Variants in ARFGEF1 observed in about 807,000 individuals in gnomAD.
ARFGEF1 encodes ARF guanine nucleotide exchange factor 1, also known as brefeldin A-inhibited guanine nucleotide-exchange protein 1.
A neutral mutation model predicts 231.0 loss-of-function variants in ARFGEF1; 42 were observed. That is an observed-to-expected ratio of 0.18 (90% confidence interval 0.14 to 0.24). ARFGEF1 has a LOEUF of 0.24. Ranked by LOEUF, ARFGEF1 falls within the 10% of genes least tolerant of loss-of-function variation. The pLI is 1.00. For synonymous variants in ARFGEF1, 710 were observed against 732.3 expected (o/e 0.97, Z 0.49); for missense variants, 1,345 against 2,192.0 (o/e 0.61, Z 7.72).
At chr8:67,224,112 T>C (rs1445945418) in intron 29 of ARFGEF1, among the ~76,000 whole-genome samples, 1 of 152,212 alleles carries the variant, frequency 6.6e-6, no homozygotes, top group Admixed American at 6.5e-5. Flanking sequence ...CATTCTGTGC[T>C]ACCTTTAGAA....
At chr8:67,311,400 C>T (rs1475168058) in intron 1 of ARFGEF1, among the ~76,000 whole-genome samples, 7 of 134,484 alleles carry the variant, frequency 5.2e-5, no homozygotes, top group Admixed American at 7.1e-5. Context: ...CCAGCCGCCC[C>T]GTCCGGGAGG....
intron 19 of ARFGEF1, among the ~76,000 whole-genome samples, chr8:67,244,983 A>G (rs984802902): frequency 6.6e-6 from 1 of 150,714 alleles, no homozygotes; most frequent in Non-Finnish European, 1.5e-5. Flanking sequence ...ACAAGAGAAA[A>G]GAAACAAATA....
intron 1 of ARFGEF1, among the ~76,000 whole-genome samples, chr8:67,311,436 G>A (rs1305884300): frequency 2.3e-5 from 3 of 130,648 alleles, no homozygotes; most frequent in South Asian, 5.0e-4. Flanking sequence ...CCCCCCGCCC[G>A]GCCAGCCGCC....
chr8:67,314,488 T>C (rs1328495895), intron 1 of ARFGEF1, among the ~76,000 whole-genome samples: 1 of 152,140 alleles, frequency 6.6e-6, no homozygotes, highest in Non-Finnish European at 1.5e-5. Flanking sequence ...CTCAACTAAC[T>C]TGACTCAGCT....
At chr8:67,314,435 C>T (rs1210311302) in intron 1 of ARFGEF1, among the ~76,000 whole-genome samples, 2 of 152,184 alleles carry the variant, frequency 1.3e-5, no homozygotes, top group African/African-American at 4.8e-5. Context: ...AGCAAGCTCC[C>T]AGGGCCTTTC....
intron 1 of ARFGEF1, among the ~76,000 whole-genome samples, chr8:67,325,302 T>C (rs1483156676): frequency 1.3e-5 from 2 of 151,928 alleles, no homozygotes; most frequent in Non-Finnish European, 2.9e-5. Flanking sequence ...TTATAATGAG[T>C]GCTTACACCT....
chr8:67,280,983 C>A (rs755386570), intron 7 of ARFGEF1, among the ~76,000 whole-genome samples: 1 of 149,412 alleles, frequency 6.7e-6, no homozygotes. Context: ...CAGTGATAAG[C>A]GAAGGAATGT....
At chr8:67,184,475 C>T (rs868635964) in intron 5 of ARFGEF1, among the ~76,000 whole-genome samples, 1 of 151,968 alleles carries the variant, frequency 6.6e-6, no homozygotes, top group South Asian at 2.1e-4. Flanking sequence ...TGGTGGCTCA[C>T]ACCTGTAATC....
chr8:67,204,089 C>T (rs564959881), intron 35 of ARFGEF1, among the ~76,000 whole-genome samples: 1 of 152,300 alleles, frequency 6.6e-6, no homozygotes, highest in African/African-American at 2.4e-5. Context: ...ATAGCAAACC[C>T]CTCTCTTGAA....
At chr8:67,310,694 C>G (rs1254416239) in intron 1 of ARFGEF1, among the ~76,000 whole-genome samples, 1 of 140,492 alleles carries the variant, frequency 7.1e-6, no homozygotes. Context: ...ATGTGGGGAG[C>G]GCCTCTGCCC....
At chr8:67,323,397 T>C (rs1364779203) in intron 1 of ARFGEF1, among the ~76,000 whole-genome samples, 2 of 152,220 alleles carry the variant, frequency 1.3e-5, no homozygotes, top group African/African-American at 4.8e-5. Context: ...AACTTAAAAG[T>C]TGATCTACAA....
intron 10 of ARFGEF1, among the ~76,000 whole-genome samples, chr8:67,267,886 A>AAC (rs1804914691): frequency 6.6e-6 from 1 of 152,176 alleles, no homozygotes; most frequent in Non-Finnish European, 1.5e-5. Flanking sequence ...TACTCTAATC[A>AAC]ACACAATAAA....
intron 33 of ARFGEF1, 33 bp downstream of exon 33, chr8:67,216,557 T>A: frequency 6.4e-7 from 1 of 1,555,790 alleles, no homozygotes; most frequent in South Asian, 1.2e-5. Flanking sequence ...CACAAATAAC[T>A]AATTTCAATA....
At chr8:67,188,916 A>G (rs956942958) in intron 5 of ARFGEF1, among the ~76,000 whole-genome samples, 17 of 152,280 alleles carry the variant, frequency 1.1e-4, no homozygotes, top group African/African-American at 3.8e-4. Flanking sequence ...CGCATGGCCC[A>G]AGATTCCATT....
At chr8:67,216,794 T>A in intron 32 of ARFGEF1, 132 bp from the exon 33 acceptor site, 1 of 547,446 alleles carries the variant, frequency 1.8e-6, no homozygotes, top group Non-Finnish European at 3.0e-6. Flanking sequence ...CACTGCTAAT[T>A]TTAGCAATTT....
chr8:67,262,730 C>T (rs987718125), intron 14 of ARFGEF1, among the ~76,000 whole-genome samples: 3 of 152,212 alleles, frequency 2.0e-5, no homozygotes, highest in Non-Finnish European at 1.5e-5. Context: ...AGGTAAGACA[C>T]TCTACAGCAA....
intron 38 of ARFGEF1, chr8:67,199,348 A>G: frequency 2.8e-6 from 1 of 358,974 alleles, no homozygotes; most frequent in Non-Finnish European, 4.9e-6. Context: ...ACTTTTAGTA[A>G]TTTAGCACTG....
At chr8:67,283,509 G>A (rs139377072) in intron 7 of ARFGEF1, among the ~76,000 whole-genome samples, 14 of 152,170 alleles carry the variant, frequency 9.2e-5, no homozygotes, top group African/African-American at 3.4e-4. Context: ...ATGCAGGCAT[G>A]TGTGAAAAAA....
chr8:67,311,630 C>T (rs1465480637), intron 1 of ARFGEF1, among the ~76,000 whole-genome samples: 6 of 149,170 alleles, frequency 4.0e-5, no homozygotes, highest in East Asian at 2.0e-4. Context: ...TCAGCCCCCC[C>T]GCCCAGCCAG....
Sources: gnomAD v4.1 joint callset for allele counts (sites outside exome capture counted in the v4.1 genomes callset) on GRCh38, gnomAD v4.1.1 for gene constraint, MANE v1.5 for transcripts, NCBI Gene and HGNC (gene_info 2026-07-23, HGNC 2026-07-21) for gene names.